Variants in CREBBP observed in about 807,000 individuals in gnomAD.
CREBBP encodes CREB binding lysine acetyltransferase.
CREBBP carries 19 observed loss-of-function variants against 265.0 expected under a neutral mutation model. That is an observed-to-expected ratio of 0.07 (90% CI 0.05 to 0.11). The LOEUF is 0.11. CREBBP is among the 10% of genes least tolerant of loss of function. The pLI is 1.00. For synonymous variants in CREBBP, 1,457 were observed against 1,223.7 expected, an observed-to-expected ratio of 1.19 and a Z score of -3.98; for missense variants, 2,525 against 3,219.0, an observed-to-expected ratio of 0.78 and a Z score of 5.22.
intron 2 of CREBBP, among the ~76,000 whole-genome samples, chr16:3,821,925 T>A (rs2054148448): frequency 6.6e-6 from 1 of 152,122 alleles, no homozygotes; most frequent in Non-Finnish European, 1.5e-5. Flanking sequence ...AGCTACAGGT[T>A]TAGGCAGGAG....
intron 3 of CREBBP, among the ~76,000 whole-genome samples, chr16:3,808,156 A>AG (rs550473319): frequency 4.2e-3 from 126 of 29,680 alleles, no homozygotes; most frequent in African/African-American, 0.012. Flanking sequence ...GGATGAAAGA[A>AG]GGGGGGGGCA....
At chr16:3,865,590 A>AGTTTTCTGAGCCATGT (rs2055160501) in intron 1 of CREBBP, among the ~76,000 whole-genome samples, 1 of 152,000 alleles carries the variant, frequency 6.6e-6, no homozygotes, top group Non-Finnish European at 1.5e-5. Context: ...TTGTCCTCTG[A>AGTTTTCTGAGCCATGT]GTTTTCTGAG....
At chr16:3,832,709 G>A (rs186333898) in intron 2 of CREBBP, among the ~76,000 whole-genome samples, 1 of 152,332 alleles carries the variant, frequency 6.6e-6, no homozygotes, top group African/African-American at 2.4e-5. Flanking sequence ...TGTTGTATAT[G>A]TAGTCTGCTG....
At chr16:3,743,852 G>C (rs2052275081) in intron 23 of CREBBP, 1 of 152,198 alleles carries the variant, frequency 6.6e-6, no homozygotes, top group African/African-American at 2.4e-5. Flanking sequence ...GCCGAGGCGG[G>C]CGGATCACAA....
chr16:3,745,778 T>C, intron 21 of CREBBP: 1 of 305,432 alleles, frequency 3.3e-6, no homozygotes, highest in East Asian at 7.2e-5. Flanking sequence ...CATGTGCTCT[T>C]AAGTCTAAAA....
intron 1 of CREBBP, among the ~76,000 whole-genome samples, chr16:3,856,885 G>A (rs1164809125): frequency 6.6e-6 from 1 of 152,202 alleles, no homozygotes; most frequent in Non-Finnish European, 1.5e-5. Flanking sequence ...GGAGAGGGAG[G>A]CCAGGCCACA....
chr16:3,776,907 A>G (rs112462592), intron 11 of CREBBP, among the ~76,000 whole-genome samples: 1,543 of 152,244 alleles, frequency 0.01, 28 homozygotes, highest in African/African-American at 0.035. Flanking sequence ...AGTCTCAGCT[A>G]CTATGGAGGC....
At chr16:3,851,716 C>T (rs2054841838) in intron 1 of CREBBP, among the ~76,000 whole-genome samples, 4 of 149,986 alleles carry the variant, frequency 2.7e-5, no homozygotes, top group Admixed American at 6.6e-5. Context: ...TAGCCGGGCG[C>T]GGTGGCGGGC....
chr16:3,805,057 C>G (rs2053801206), intron 3 of CREBBP, among the ~76,000 whole-genome samples: 1 of 152,190 alleles, frequency 6.6e-6, no homozygotes, highest in Admixed American at 6.5e-5. Flanking sequence ...TTATTTTGTG[C>G]TTAAATTATG....
chr16:3,853,894 G>A (rs1248217266), intron 1 of CREBBP, among the ~76,000 whole-genome samples: 1 of 151,902 alleles, frequency 6.6e-6, no homozygotes, highest in Non-Finnish European at 1.5e-5. Flanking sequence ...CTGAGATATC[G>A]CCATTGCACT....
chr16:3,841,402 A>G lies in CREBBP; in HGVS notation c.798+8895T>C, dbSNP rs369249917. Among the ~76,000 whole-genome samples the G allele has an allele frequency of 6.6e-5, 10 of 152,282 alleles. No individual in the cohort carries two copies. The South Asian group carries it at 1.2e-3, about 19-fold the overall frequency. On this transcript the variant is annotated intron_variant, in intron 2 of 30. Transcript: ENST00000262367. ...AATAATAAGAAAAATTTGGGTTGCA[A>G]TAAGAGGAAACTTTGTGCTCTTTTT...
chr16:3,758,742 A>G, intron 17 of CREBBP, 112 bp downstream of exon 17: 1 of 868,268 alleles, frequency 1.2e-6, no homozygotes, highest in Admixed American at 1.9e-5. Flanking sequence ...TTATATTAGG[A>G]GAACAATCTT....
intron 1 of CREBBP, among the ~76,000 whole-genome samples, chr16:3,872,092 G>A (rs2055311598): frequency 1.3e-5 from 2 of 152,076 alleles, no homozygotes; most frequent in African/African-American, 4.8e-5. Flanking sequence ...CTTTCTTAAG[G>A]GTAAGTTTTA....
chr16:3,756,238 TC>T (rs2052583032), intron 19 of CREBBP, among the ~76,000 whole-genome samples: 1 of 152,188 alleles, frequency 6.6e-6, no homozygotes, highest in East Asian at 1.9e-4. Flanking sequence ...CAAACCTCTA[TC>T]TTGGCCACAG....
chr16:3,727,568 ATTCTTTGTATT>A lies in CREBBP; in HGVS notation c.*139_*149del. 7.9e-7 allele frequency: 1 copy of A among 1,273,148 alleles called. No individual in the cohort carries two copies. Among genetic ancestry groups the A allele is most frequent in the Non-Finnish European group, 1.0e-6 (1 of 959,152 alleles). 78.9% of individuals were successfully genotyped at this position (1,273,148 alleles called of 1,614,324 possible). ...CAACTGGTTTTTAACAAAAAAATAT[ATTCTTTGTATT>A]GTTTCTTTAAACATCAATCCACCCT... On this transcript the variant is annotated 3_prime_UTR_variant, in exon 31 of 31. Transcript: ENST00000262367.
At chr16:3,870,145 A>T (rs941413370) in intron 1 of CREBBP, among the ~76,000 whole-genome samples, 4 of 149,360 alleles carry the variant, frequency 2.7e-5, no homozygotes, top group African/African-American at 9.8e-5. Flanking sequence ...TTTACTTATA[A>T]AAAAAAAAAA....
chr16:3,797,095 TC>T (rs368196372), intron 3 of CREBBP, among the ~76,000 whole-genome samples: 443 of 152,320 alleles, frequency 2.9e-3, no homozygotes, highest in African/African-American at 0.01. Flanking sequence ...CTTCAGACTT[TC>T]CCAACCTCCC....
chr16:3,863,947 G>C (rs1381470833), intron 1 of CREBBP, among the ~76,000 whole-genome samples: 1 of 152,180 alleles, frequency 6.6e-6, no homozygotes, highest in African/African-American at 2.4e-5. Flanking sequence ...CACCACCACA[G>C]CTGAGAGGGG....
At chr16:3,851,057 G>T in intron 1 of CREBBP, 48 bp from the exon 2 acceptor site, 1 of 1,504,290 alleles carries the variant, frequency 6.6e-7, no homozygotes, top group Non-Finnish European at 9.2e-7. Context: ...AACCTTTACA[G>T]CTCTCCAACT....
Sources: gnomAD v4.1 joint callset for allele counts (sites outside exome capture counted in the v4.1 genomes callset) on GRCh38, gnomAD v4.1.1 for gene constraint, MANE v1.5 for transcripts, NCBI Gene and HGNC (gene_info 2026-07-23, HGNC 2026-07-21) for gene names.